Variants in ELP4 observed in about 807,000 individuals in gnomAD.
ELP4 encodes elongator complex protein 4.
In ELP4, 51 loss-of-function variants were observed where a neutral mutation model predicts 48.9. The ratio of observed to expected loss-of-function variants is 1.04; its 90% CI spans 0.83 to 1.32. The LOEUF (loss-of-function observed/expected upper bound fraction) is 1.32. Ranked by LOEUF, ELP4 falls within the 40% of genes most tolerant of loss-of-function variation. The probability of loss-of-function intolerance (pLI) is 0.00; values close to 1 mark genes in which losing one functional copy is unlikely to be tolerated. For synonymous variants in ELP4, 210 were observed against 189.2 expected (o/e 1.11, Z -0.90); for missense variants, 519 against 514.6 (o/e 1.01, Z -0.08).
intron 9 of ELP4, chr11:31,780,850 T>C (rs2134285587): frequency 6.6e-6 from 1 of 152,340 alleles, no homozygotes; most frequent in South Asian, 2.1e-4. Context: ...TATGACCCGT[T>C]AACTAAATGC....
chr11:31,561,659 G>T (rs2133943059), intron 3 of ELP4, among the ~76,000 whole-genome samples: 1 of 152,164 alleles, frequency 6.6e-6, no homozygotes, highest in South Asian at 2.1e-4. Flanking sequence ...GGCCTGGCTG[G>T]TTTTGAACTC....
At chr11:31,510,212 C>T (rs963775234) in intron 1 of ELP4, among the ~76,000 whole-genome samples, 3 of 152,196 alleles carry the variant, frequency 2.0e-5, no homozygotes, top group Non-Finnish European at 4.4e-5. Context: ...TTAGTGCCCT[C>T]GCTCTCTATT....
chr11:31,629,987 A>G (rs1258371245), intron 6 of ELP4, among the ~76,000 whole-genome samples: 1 of 152,076 alleles, frequency 6.6e-6, no homozygotes, highest in Non-Finnish European at 1.5e-5. Context: ...AAATGTATTT[A>G]TACTTCTAAC....
chr11:31,611,261 C>A (rs977733643), intron 5 of ELP4, among the ~76,000 whole-genome samples: 8 of 152,236 alleles, frequency 5.3e-5, no homozygotes, highest in African/African-American at 1.9e-4. Context: ...CGAATGAATA[C>A]ATGAAATGTG....
chr11:31,654,169 C>G (rs1283011058), intron 9 of ELP4: 1 of 151,568 alleles, frequency 6.6e-6, no homozygotes, highest in Non-Finnish European at 1.5e-5. Flanking sequence ...GAACAGTTTT[C>G]CAGCTCAAAG....
chr11:31,665,062 A>G (rs987336344), intron 9 of ELP4, among the ~76,000 whole-genome samples: 2 of 152,174 alleles, frequency 1.3e-5, no homozygotes, highest in Non-Finnish European at 2.9e-5. Flanking sequence ...TTTGACACTA[A>G]TAATGACTGA....
At chr11:31,666,103 G>A (rs1433754247) in intron 9 of ELP4, among the ~76,000 whole-genome samples, 1 of 147,340 alleles carries the variant, frequency 6.8e-6, no homozygotes, top group African/African-American at 2.5e-5. Flanking sequence ...CTGCCTCCTG[G>A]GTTCAAGCAA....
chr11:31,701,091 G>A (rs1592236299), intron 9 of ELP4, among the ~76,000 whole-genome samples: 1 of 152,030 alleles, frequency 6.6e-6, no homozygotes, highest in East Asian at 1.9e-4. Context: ...TGTTTTTAAT[G>A]TTTCAAATAG....
intron 9 of ELP4, among the ~76,000 whole-genome samples, chr11:31,690,794 TC>T (rs1414130619): frequency 2.1e-5 from 3 of 143,168 alleles, no homozygotes; most frequent in Non-Finnish European, 3.1e-5. Flanking sequence ...GGGTTTTTTT[TC>T]CTTTTTTTTT....
intron 9 of ELP4, among the ~76,000 whole-genome samples, chr11:31,738,350 T>C (rs1947368489): frequency 6.6e-6 from 1 of 151,586 alleles, no homozygotes; most frequent in Admixed American, 6.6e-5. Flanking sequence ...GGTTCAAGGC[T>C]GCAGTGAGCT....
At chr11:31,632,470 G>A (rs1944882792) in intron 7 of ELP4, 65 bp downstream of exon 7, 1 of 1,330,426 alleles carries the variant, frequency 7.5e-7, no homozygotes. Flanking sequence ...TGTGGTTTTA[G>A]TTTGCATTTC....
At chr11:31,588,194 AAT>A (rs1393433029) in intron 3 of ELP4, among the ~76,000 whole-genome samples, 32 of 152,286 alleles carry the variant, frequency 2.1e-4, no homozygotes, top group African/African-American at 7.0e-4. Context: ...TCTTTTTAAT[AAT>A]ATGTTTATAT....
intron 9 of ELP4, among the ~76,000 whole-genome samples, chr11:31,656,173 A>C (rs1019996537): frequency 1.3e-5 from 2 of 152,042 alleles, no homozygotes; most frequent in African/African-American, 4.8e-5. Flanking sequence ...TTTTCTCTGC[A>C]TTCTGATTTG....
intron 2 of ELP4, among the ~76,000 whole-genome samples, chr11:31,535,688 T>C (rs1956488512): frequency 6.6e-6 from 1 of 152,206 alleles, no homozygotes; most frequent in Admixed American, 6.5e-5. Context: ...TATATACTCA[T>C]GCAGCCACCA....
chr11:31,678,963 A>G (rs1005762543), intron 9 of ELP4, among the ~76,000 whole-genome samples: 1 of 152,210 alleles, frequency 6.6e-6, no homozygotes, highest in African/African-American at 2.4e-5. Flanking sequence ...TCTAAAATGT[A>G]GAAAATGAGA....
intron 3 of ELP4, chr11:31,573,716 G>T (rs1957222419): frequency 6.6e-6 from 1 of 151,312 alleles, no homozygotes; most frequent in Non-Finnish European, 1.5e-5. Flanking sequence ...TCTCATTAGG[G>T]GATAGGACTT....
chr11:31,718,662 G>A (rs568047044), intron 9 of ELP4, among the ~76,000 whole-genome samples: 48 of 152,352 alleles, frequency 3.2e-4, no homozygotes, highest in Middle Eastern at 3.4e-3. Context: ...GCACCTGTGT[G>A]TAGCCTTTGC....
chr11:31,520,773 T>G (rs866922604), intron 2 of ELP4, among the ~76,000 whole-genome samples: 4 of 152,124 alleles, frequency 2.6e-5, no homozygotes, highest in African/African-American at 9.7e-5. Context: ...AAAATACCTA[T>G]TTTTTCATCT....
chr11:31,762,895 G>C (rs868065040), intron 9 of ELP4, among the ~76,000 whole-genome samples: 35 of 151,468 alleles, frequency 2.3e-4, no homozygotes, highest in African/African-American at 8.5e-4. Flanking sequence ...TGATCAACCT[G>C]ATACAGATTT....
Sources: gnomAD v4.1 joint callset for allele counts (sites outside exome capture counted in the v4.1 genomes callset) on GRCh38, gnomAD v4.1.1 for gene constraint, MANE v1.5 for transcripts, NCBI Gene and HGNC (gene_info 2026-07-23, HGNC 2026-07-21) for gene names.